The following ZNF257 variants were observed in gnomAD, a reference collection of about 807,000 sequenced individuals.
The protein encoded by ZNF257 is bone marrow zinc finger 4.
Under a neutral mutation model 11.9 loss-of-function variants are expected in ZNF257, and 12 were observed. The ratio of observed to expected loss-of-function variants is 1.01; its 90% CI spans 0.65 to 1.63. ZNF257 has a LOEUF of 1.63. Ranked by LOEUF, ZNF257 falls within the 40% of genes most tolerant of loss-of-function variation. The probability of loss-of-function intolerance (pLI) is 0.00; values close to 1 mark genes in which losing one functional copy is unlikely to be tolerated. For missense variants in ZNF257, 580 were observed against 665.5 expected (o/e 0.87, Z 1.41); for synonymous variants, 183 against 222.7 (o/e 0.82, Z 1.59).
At position 22,088,998 on chromosome 19, in the gene ZNF257, T is replaced by A; in HGVS notation, c.1248T>A (p.Thr416=). The A allele has an allele frequency of 1.2e-6, 2 of 1,609,886 alleles. No homozygotes were observed. The highest frequency in any genetic ancestry group is 1.7e-6 in the Non-Finnish European group (2 of 1,179,000). Residue 416 remains threonine, a synonymous_variant, in exon 4 of 4, where the codon ACT becomes ACA. Transcript: ENST00000594947. ...CTTTTAACTGGTCCTCAGCTCTTACTACCCTTACTCAGCATAAGATAATTC... is the reference window on the plus strand; with the variant it reads ...CTTTTAACTGGTCCTCAGCTCTTACAACCCTTACTCAGCATAAGATAATTC... ...CKAFNWSSAL[T]TLTQHKIIHT... is the part of the protein sequence containing the mutation.
At chr19:22,072,153 A>G (rs753765206) in intron 1 of ZNF257, among the ~76,000 whole-genome samples, 20 of 152,196 alleles carry the variant, frequency 1.3e-4, no homozygotes, top group Non-Finnish European at 1.8e-4. Flanking sequence ...CATCATAAAA[A>G]TTTGTCCTAG....
chr19:22,080,117 C>T (rs919194990), intron 3 of ZNF257, among the ~76,000 whole-genome samples: 1 of 152,056 alleles, frequency 6.6e-6, no homozygotes, highest in Non-Finnish European at 1.5e-5. Flanking sequence ...GTAGCTGGGA[C>T]TATAGACATG....
chr19:22,073,649 T>C, intron 3 of ZNF257, 85 bp downstream of exon 3: 1 of 1,482,670 alleles, frequency 6.7e-7, no homozygotes. Flanking sequence ...TAAAATGTCA[T>C]TTCGGAAGCT....
chr19:22,052,731 A>G (rs1050232154), intron 1 of ZNF257, 96 bp downstream of exon 1: 7 of 1,447,764 alleles, frequency 4.8e-6, no homozygotes, highest in East Asian at 2.4e-5. Context: ...CCTTGCAGTC[A>G]GCCCTACCAT....
chr19:22,089,858 G>A lies in ZNF257; in HGVS notation c.*416G>A, dbSNP rs909373120. On this transcript the variant is annotated 3_prime_UTR_variant, in exon 4 of 4. Coordinates refer to ENST00000594947, the MANE Select transcript of ZNF257 (RefSeq NM_033468.4). ...GATATAAGATGTTTCATACTGGAGC[G>A]AAACTACAATCCTGAATGATGTCAC... 7 of 182,186 alleles carry A rather than the reference G, an allele frequency of 3.8e-5. No homozygotes were observed. Among genetic ancestry groups the A allele is most frequent in the Non-Finnish European group, 5.9e-5 (5 of 84,842 alleles). The allele number at this position is 182,186 out of a possible 1,614,324, so 11.3% of individuals were successfully genotyped here. A position where few individuals can be genotyped will look rare whatever the true frequency, so the allele number is the denominator to read the frequency against.
chr19:22,088,250 AT>A lies in ZNF257; in HGVS notation c.501del (p.His167GlnfsTer22). On this transcript the variant is annotated frameshift_variant, in exon 4 of 4. Coordinates refer to ENST00000594947, the MANE Select transcript of ZNF257 (RefSeq NM_033468.4). LOFTEE classifies it low-confidence loss of function (END_TRUNC). ...FSNSDRHKIR[H>X]TEKKTCKCKE... The stretch of plus-strand genomic sequence containing the variant: ...AATTCAGATAGACATAAGATAAGAC[AT>A]ACTGAAAAGAAAACTTGCAAATGTA... 3.1e-6 allele frequency: 5 copies of A among 1,613,214 alleles called. No individual in the cohort carries two copies. Among genetic ancestry groups the A allele is most frequent in the Non-Finnish European group, 4.2e-6 (5 of 1,179,584 alleles).
intron 1 of ZNF257, among the ~76,000 whole-genome samples, chr19:22,057,029 G>A (rs1568478972): frequency 6.6e-6 from 1 of 152,010 alleles, no homozygotes; most frequent in Non-Finnish European, 1.5e-5. Flanking sequence ...TCTATATTCT[G>A]TTATTTTGAT....
At chr19:22,069,004 G>A (rs1446843346) in intron 1 of ZNF257, among the ~76,000 whole-genome samples, 2 of 152,156 alleles carry the variant, frequency 1.3e-5, no homozygotes, top group South Asian at 2.1e-4. Context: ...CTGTCTCAGT[G>A]TAAGAGAAAT....
At chr19:22,080,854 A>C (rs561346987) in intron 3 of ZNF257, among the ~76,000 whole-genome samples, 4 of 148,830 alleles carry the variant, frequency 2.7e-5, no homozygotes, top group African/African-American at 7.4e-5. Context: ...TATTAAATAC[A>C]TTAATTATAT....
At chr19:22,085,499 T>C (rs1372494069) in intron 3 of ZNF257, among the ~76,000 whole-genome samples, 1 of 152,184 alleles carries the variant, frequency 6.6e-6, no homozygotes, top group Non-Finnish European at 1.5e-5. Context: ...ATATCTGTGT[T>C]AGAAATACTT....
chr19:22,058,090 A>G (rs2021691277), intron 1 of ZNF257, among the ~76,000 whole-genome samples: 1 of 151,742 alleles, frequency 6.6e-6, no homozygotes, highest in Non-Finnish European at 1.5e-5. Flanking sequence ...TATGAGAAAA[A>G]GAAGAAAATG....
intron 1 of ZNF257, among the ~76,000 whole-genome samples, chr19:22,052,892 C>A (rs1418740887): frequency 6.6e-6 from 1 of 152,134 alleles, no homozygotes; most frequent in Non-Finnish European, 1.5e-5. Context: ...CAGCTCTGCA[C>A]CCGCAGCGCC....
In ZNF257 at chr19:22,089,621, C is replaced by G; in HGVS notation, c.*179C>G. On this transcript the variant is annotated 3_prime_UTR_variant, in exon 4 of 4. Coordinates refer to ENST00000594947, the MANE Select transcript of ZNF257 (RefSeq NM_033468.4). Reference sequence around the variant, plus strand: ...AAATAATTCATGCTGGAGAGAAACTCTTGAAATGTGATGAATGTGGCATAG... The same window carrying G: ...AAATAATTCATGCTGGAGAGAAACTGTTGAAATGTGATGAATGTGGCATAG... The G allele has an allele frequency of 2.1e-6, 3 of 1,422,320 alleles. No individual in the cohort carries two copies. Among genetic ancestry groups the G allele is most frequent in the East Asian group, 2.6e-5 (1 of 38,974 alleles). The allele number at this position is 1,422,320 out of a possible 1,614,324, so 88.1% of individuals were successfully genotyped here.
chr19:22,082,507 C>T (rs1220697896), intron 3 of ZNF257, among the ~76,000 whole-genome samples: 2 of 152,052 alleles, frequency 1.3e-5, no homozygotes, highest in Non-Finnish European at 2.9e-5. Context: ...CAGTGCTAGT[C>T]GTGATGAACA....
intron 3 of ZNF257, among the ~76,000 whole-genome samples, chr19:22,077,935 A>T (rs2022265132): frequency 6.6e-6 from 1 of 151,858 alleles, no homozygotes; most frequent in Non-Finnish European, 1.5e-5. Flanking sequence ...GTGTTTTTTT[A>T]AAAAATTATA....
chr19:22,073,646 T>G, intron 3 of ZNF257, 82 bp downstream of exon 3: 2 of 1,491,738 alleles, frequency 1.3e-6, no homozygotes, highest in Non-Finnish European at 1.8e-6. Flanking sequence ...CCTTAAAATG[T>G]CATTTCGGAA....
intron 1 of ZNF257, among the ~76,000 whole-genome samples, chr19:22,054,959 T>C (rs902021176): frequency 6.7e-6 from 1 of 149,178 alleles, no homozygotes; most frequent in Non-Finnish European, 1.5e-5. Context: ...ACCTGAGTTA[T>C]GGAGTGTAGC....
intron 3 of ZNF257, chr19:22,075,865 C>G (rs554635410): frequency 1.4e-4 from 21 of 152,112 alleles, no homozygotes; most frequent in African/African-American, 5.1e-4. Flanking sequence ...AGCCATGAGG[C>G]CTGGTACTCT....
At chr19:22,062,508 G>A (rs1227273633) in intron 1 of ZNF257, among the ~76,000 whole-genome samples, 1 of 146,474 alleles carries the variant, frequency 6.8e-6, no homozygotes, top group African/African-American at 2.5e-5. Flanking sequence ...TTGAGACAGA[G>A]TTTCCTCCTT....
Sources: gnomAD v4.1 joint callset for allele counts (sites outside exome capture counted in the v4.1 genomes callset) on GRCh38, gnomAD v4.1.1 for gene constraint, MANE v1.5 for transcripts, NCBI Gene and HGNC (gene_info 2026-07-23, HGNC 2026-07-21) for gene names.